The following KIAA0825 variants were observed in gnomAD, a reference collection of about 807,000 sequenced individuals.
The protein encoded by KIAA0825 is uncharacterized protein KIAA0825.
A neutral mutation model predicts 147.6 loss-of-function variants in KIAA0825; 119 were observed. The ratio of observed to expected loss-of-function variants is 0.81; its 90% CI spans 0.69 to 0.94. The LOEUF (loss-of-function observed/expected upper bound fraction) is 0.94, where lower values mean the gene tolerates loss of function less well. Among genes scored for constraint, KIAA0825 ranks in the 40% least tolerant of loss-of-function variants. The pLI, the probability that KIAA0825 is intolerant of heterozygous loss-of-function variation, is 0.00. For missense variants in KIAA0825, 1,381 were observed against 1,472.7 expected (o/e 0.94, Z 1.02); for synonymous variants, 470 against 518.1 (o/e 0.91, Z 1.26).
chr5:94,499,358 G>A (rs1170186425), intron 5 of KIAA0825, among the ~76,000 whole-genome samples: 1 of 152,092 alleles, frequency 6.6e-6, no homozygotes, highest in Non-Finnish European at 1.5e-5. Context: ...CTGCATTGTG[G>A]GAAAACAGCA....
At chr5:94,186,747 A>G (rs980261952) in intron 20 of KIAA0825, among the ~76,000 whole-genome samples, 1 of 152,202 alleles carries the variant, frequency 6.6e-6, no homozygotes, top group Non-Finnish European at 1.5e-5. Context: ...AGAAACTGAG[A>G]AAGGACATAG....
chr5:94,479,863 T>C (rs1240985533), intron 6 of KIAA0825, among the ~76,000 whole-genome samples: 2 of 152,168 alleles, frequency 1.3e-5, no homozygotes, highest in African/African-American at 4.8e-5. Context: ...TTCATATGCT[T>C]ATTTGCCATC....
intron 20 of KIAA0825, among the ~76,000 whole-genome samples, chr5:94,179,464 GTGCATAAACACTGTT>G (rs1391828405): frequency 4.6e-5 from 7 of 152,094 alleles, no homozygotes; most frequent in African/African-American, 1.7e-4. Context: ...CAAAAGAACT[GTGCATAAACACTGTT>G]TGGTTTTGAT....
intron 20 of KIAA0825, among the ~76,000 whole-genome samples, chr5:94,361,587 AAAT>A (rs1745064786): frequency 6.6e-6 from 1 of 152,200 alleles, no homozygotes; most frequent in Non-Finnish European, 1.5e-5. Context: ...ACTTTGTGAA[AAAT>A]AATATTATTT....
chr5:94,393,866 G>A (rs868464417), intron 17 of KIAA0825, among the ~76,000 whole-genome samples: 9 of 105,202 alleles, frequency 8.6e-5, no homozygotes, highest in Middle Eastern at 6.0e-3. Flanking sequence ...TTTTTTTTTT[G>A]AGACAGAGTT....
At position 94,471,613 on chromosome 5, in the gene KIAA0825, G is replaced by A. The variant is rs1761222341; in HGVS notation, c.1574C>T (p.Thr525Ile). 1 of 1,551,950 alleles carries A rather than the reference G, an allele frequency of 6.4e-7. No homozygotes were observed. The highest frequency in any genetic ancestry group is 8.7e-7 in the Non-Finnish European group (1 of 1,147,036). The change falls in exon 9 of 21, where the codon ACA becomes ATA. Residue 525 changes from threonine to isoleucine, a missense_variant. Physicochemically the swap from Thr to Ile is moderately conservative, Grantham distance 89. Coordinates refer to ENST00000682413, the MANE Select transcript of KIAA0825 (RefSeq NM_001145678.3). Reference protein sequence around the residue: ...NLVEACCKVATAVLQRLQERA... With the variant: ...NLVEACCKVAIAVLQRLQERA... ...CTCTTGCAGTCTCTGCAGGACAGCT[G>A]TTGCCACTTTACAACAGGCCTCCAC... is the stretch of plus-strand genomic sequence containing the variant.
At chr5:94,293,098 C>A (rs1475380336) in intron 20 of KIAA0825, among the ~76,000 whole-genome samples, 2 of 150,962 alleles carry the variant, frequency 1.3e-5, no homozygotes, top group Non-Finnish European at 3.0e-5. Context: ...AGGTTTTACA[C>A]GTCTCTATCT....
intron 18 of KIAA0825, among the ~76,000 whole-genome samples, chr5:94,390,782 A>T (rs1275795544): frequency 2.6e-5 from 4 of 152,258 alleles, no homozygotes; most frequent in Non-Finnish European, 4.4e-5. Context: ...TTATTGAGAT[A>T]AAACTAAAAC....
At chr5:94,426,540 C>G in intron 14 of KIAA0825, among the ~76,000 whole-genome samples, 1 of 152,084 alleles carries the variant, frequency 6.6e-6, no homozygotes, top group African/African-American at 2.4e-5. Flanking sequence ...CGATAGAAAC[C>G]AGAGGCTTGG....
chr5:94,515,791 C>CAAAAAAAAAAAAAAAAAAAA (rs754577018), intron 5 of KIAA0825, among the ~76,000 whole-genome samples: 5 of 93,606 alleles, frequency 5.3e-5, no homozygotes, highest in African/African-American at 2.1e-4. Flanking sequence ...GACTCTGTCT[C>CAAAAAAAAAAAAAAAAAAAA]AAAAAAAAAA....
intron 5 of KIAA0825, among the ~76,000 whole-genome samples, chr5:94,494,864 G>A: frequency 6.6e-6 from 1 of 152,108 alleles, no homozygotes; most frequent in East Asian, 1.9e-4. Flanking sequence ...TGACAGAGAA[G>A]TTACATTATC....
At chr5:94,230,807 A>C (rs1430499221) in intron 20 of KIAA0825, among the ~76,000 whole-genome samples, 1 of 152,168 alleles carries the variant, frequency 6.6e-6, no homozygotes, top group African/African-American at 2.4e-5. Context: ...AGAGCTAGGT[A>C]CTGTGCCACT....
chr5:94,322,209 CA>C, intron 20 of KIAA0825, among the ~76,000 whole-genome samples: 1 of 151,830 alleles, frequency 6.6e-6, no homozygotes, highest in Non-Finnish European at 1.5e-5. Context: ...CAGAATAATA[CA>C]GATGTACTAA....
chr5:94,458,741 T>TA (rs1310771089), intron 12 of KIAA0825, among the ~76,000 whole-genome samples: 2 of 146,286 alleles, frequency 1.4e-5, no homozygotes, highest in Non-Finnish European at 3.0e-5. Context: ...TTCTGCCAGA[T>TA]ACCTTTTTTT....
intron 5 of KIAA0825, among the ~76,000 whole-genome samples, chr5:94,515,565 G>A (rs754632681): frequency 1.3e-5 from 2 of 152,152 alleles, no homozygotes; most frequent in Non-Finnish European, 2.9e-5. Context: ...GCCAAGGCGG[G>A]TGGATCACCT....
chr5:94,340,091 T>A (rs1314819652), intron 20 of KIAA0825, among the ~76,000 whole-genome samples: 1 of 152,172 alleles, frequency 6.6e-6, no homozygotes, highest in Non-Finnish European at 1.5e-5. Context: ...TAACATATGC[T>A]GTGTTTTTAA....
At chr5:94,194,053 A>G (rs1046893497) in intron 20 of KIAA0825, among the ~76,000 whole-genome samples, 1 of 152,202 alleles carries the variant, frequency 6.6e-6, no homozygotes. Flanking sequence ...AGGTCAAACC[A>G]ATAGAGACAG....
chr5:94,458,525 G>A (rs965849606), intron 12 of KIAA0825, among the ~76,000 whole-genome samples: 1 of 152,104 alleles, frequency 6.6e-6, no homozygotes, highest in Admixed American at 6.5e-5. Flanking sequence ...AATATTCTGG[G>A]AGCAGCCCTC....
intron 20 of KIAA0825, among the ~76,000 whole-genome samples, chr5:94,256,159 G>A (rs1025568271): frequency 1.3e-5 from 2 of 152,094 alleles, no homozygotes; most frequent in African/African-American, 4.8e-5. Flanking sequence ...TGGGAAATAG[G>A]TCTTAACACT....
Sources: allele counts gnomAD v4.1 joint callset (sites outside exome capture counted in the v4.1 genomes callset), GRCh38; gene constraint gnomAD v4.1.1; transcripts MANE v1.5; gene names NCBI Gene and HGNC (gene_info 2026-07-23, HGNC 2026-07-21).